The following SLC12A9 variants were observed in gnomAD, a reference collection of about 807,000 sequenced individuals.
The protein encoded by SLC12A9 is solute carrier family 12 member 9.
In SLC12A9, 55 loss-of-function variants were observed where a neutral mutation model predicts 66.0. The ratio of observed to expected loss-of-function variants is 0.83; its 90% CI spans 0.67 to 1.04. SLC12A9 has a LOEUF of 1.04. SLC12A9 is among the 50% of genes least tolerant of loss of function. The probability of loss-of-function intolerance (pLI) is 0.00; values close to 1 mark genes in which losing one functional copy is unlikely to be tolerated. For synonymous variants in SLC12A9, 577 were observed against 569.0 expected (o/e 1.01, Z -0.20); for missense variants, 1,061 against 1,241.9 (o/e 0.85, Z 2.19).
chr7:100,833,958 A>AAAAG (rs1225124922), intron 1 of SLC12A9, among the ~76,000 whole-genome samples: 11 of 150,542 alleles, frequency 7.3e-5, no homozygotes, highest in Non-Finnish European at 1.3e-4. Flanking sequence ...AAAAAAAAAA[A>AAAAG]AAAGAAAGAA....
chr7:100,841,786 T>G (rs1813797170), intron 1 of SLC12A9, among the ~76,000 whole-genome samples: 1 of 152,094 alleles, frequency 6.6e-6, no homozygotes, highest in African/African-American at 2.4e-5. Flanking sequence ...TAAAAAAAAT[T>G]TGGCTTTCTT....
chr7:100,827,761 G>C (rs918970063), intron 1 of SLC12A9, among the ~76,000 whole-genome samples: 6 of 152,194 alleles, frequency 3.9e-5, no homozygotes, highest in Non-Finnish European at 7.4e-5. Flanking sequence ...GATGTGCGCC[G>C]TGGCGGTGCG....
Position 100,861,810 on chromosome 7 carries a change from T to C in SLC12A9, c.1610T>C (p.Leu537Pro). The change falls in exon 12 of 14, where the codon CTG becomes CCG. Residue 537 changes from leucine (L) to proline (P), a missense_variant. By Grantham distance (98) the Leu-to-Pro change is moderately conservative (BLOSUM62 -3). Coordinates refer to ENST00000354161, the MANE Select transcript of SLC12A9 (RefSeq NM_020246.4). The surrounding 1 kb of genome is among the most constrained non-coding windows in gnomAD (Gnocchi z 5.3). ...VKFWRPQLLL[L>P]VGNPRGALPL... ...TTCTGGCGGCCCCAGCTGCTGCTCC[T>C]GGTGGGGAACCCCCGGGGCGCCCTG... 6.2e-7 allele frequency: 1 copy of C among 1,614,122 alleles called. No homozygotes were observed.
At chr7:100,834,691 G>C (rs1813610416) in intron 1 of SLC12A9, among the ~76,000 whole-genome samples, 1 of 152,076 alleles carries the variant, frequency 6.6e-6, no homozygotes, top group African/African-American at 2.4e-5. Flanking sequence ...AGACCAGCCT[G>C]GGCAACATGA....
Position 100,857,011 on chromosome 7 carries a change from C to T in SLC12A9, c.592C>T (p.Leu198=). The T allele has an allele frequency of 1.2e-6, 2 of 1,614,186 alleles. No individual in the cohort carries two copies. The highest frequency in any genetic ancestry group is 1.6e-4 in the Middle Eastern group (1 of 6,062). The change falls in exon 5 of 14, where the codon CTG becomes TTG. Residue 198 remains leucine, a synonymous_variant. Coordinates refer to ENST00000354161, the MANE Select transcript of SLC12A9 (RefSeq NM_020246.4). Reference sequence around the variant, plus strand: ...TGCCCGGGCCTCATTCCTCACATTCCTGCTGGTCTCTGGCTCCCTGGCCTC... The same window carrying T: ...TGCCCGGGCCTCATTCCTCACATTCTTGCTGGTCTCTGGCTCCCTGGCCTC... ...LYARASFLTF[L]LVSGSLASVL... is the part of the protein sequence containing the mutation.
intron 1 of SLC12A9, among the ~76,000 whole-genome samples, chr7:100,838,273 G>A (rs1813709605): frequency 1.3e-5 from 2 of 152,174 alleles, no homozygotes; most frequent in Admixed American, 1.3e-4. Context: ...AGCATTGGGA[G>A]TATAGCACCC....
At chr7:100,842,255 A>G (rs1043482459) in intron 1 of SLC12A9, among the ~76,000 whole-genome samples, 1 of 152,070 alleles carries the variant, frequency 6.6e-6, no homozygotes. Flanking sequence ...CTATTCTATT[A>G]CTCTTTCTTC....
chr7:100,866,217 G>A lies in SLC12A9; in HGVS notation c.2357G>A (p.Arg786Gln), dbSNP rs202174092. The A allele has an allele frequency of 5.0e-4, 800 of 1,609,678 alleles. No homozygotes were observed. The highest frequency in any genetic ancestry group is 6.1e-4 in the Non-Finnish European group (723 of 1,178,656). Residue 786 changes from arginine to glutamine, a missense_variant, in exon 14 of 14, where the codon CGG (arginine) becomes CAG (glutamine). By Grantham distance (43) the Arg-to-Gln change is conservative. Transcript: ENST00000354161. This position sits in a 1 kb window ranked among gnomAD's most constrained non-coding sequence, Gnocchi z 7.3. Reference sequence around the variant, plus strand: ...CCTGGGGCGGCCGAGGGGCGGCTGCGGGCACTGCTGAGCCAACTGAGGATC... The same window carrying A: ...CCTGGGGCGGCCGAGGGGCGGCTGCAGGCACTGCTGAGCCAACTGAGGATC... ...EAPGAAEGRL[R>Q]ALLSQLRIRA...
At chr7:100,859,443 C>A in intron 7 of SLC12A9, 1 of 433,982 alleles carries the variant, frequency 2.3e-6, no homozygotes, top group South Asian at 2.4e-5. Flanking sequence ...CAGCCGGGTG[C>A]GGTGGCTCAC....
In SLC12A9 at chr7:100,865,931, C is replaced by T. The variant is rs761345744; in HGVS notation, c.2071C>T (p.Leu691Phe). ...QDYVATVADA[L>F]KMNKNVVLAR... ...CTATGTGGCCACGGTGGCCGACGCC[C>T]TCAAGATGAACAAGAATGTGGTGCT... is the stretch of plus-strand genomic sequence containing the variant. Residue 691 changes from leucine (L) to phenylalanine (F), a missense_variant, in exon 14 of 14, where the codon CTC becomes TTC. By Grantham distance (22) the Leu-to-Phe change is conservative. Coordinates refer to ENST00000354161, the MANE Select transcript of SLC12A9 (RefSeq NM_020246.4). 2 of 1,613,434 alleles carry T rather than the reference C, an allele frequency of 1.2e-6. No homozygotes were observed. Among genetic ancestry groups the T allele is most frequent in the Non-Finnish European group, 1.7e-6 (2 of 1,179,994 alleles).
At chr7:100,860,516 G>A (rs1182532572) in intron 9 of SLC12A9, 1 of 450,614 alleles carries the variant, frequency 2.2e-6, no homozygotes, top group Non-Finnish European at 4.0e-6. Context: ...GGGTATACTA[G>A]TATTTTTCAG....
intron 4 of SLC12A9, 131 bp downstream of exon 4, chr7:100,855,968 T>C: frequency 7.1e-7 from 1 of 1,410,128 alleles, no homozygotes; most frequent in South Asian, 1.4e-5. Context: ...GAGCTTCTGC[T>C]GTGTGGCCAG....
At chr7:100,846,410 C>CA (rs1813916387) in intron 1 of SLC12A9, among the ~76,000 whole-genome samples, 1 of 152,018 alleles carries the variant, frequency 6.6e-6, no homozygotes, top group Middle Eastern at 3.4e-3. Context: ...ACTAAAAATA[C>CA]AAAAAAATGA....
chr7:100,839,197 C>T (rs1037936280), intron 1 of SLC12A9, among the ~76,000 whole-genome samples: 2 of 151,888 alleles, frequency 1.3e-5, no homozygotes, highest in African/African-American at 2.4e-5. Flanking sequence ...TGGTGGCGGG[C>T]GCCTGTAGTC....
chr7:100,831,299 G>A (rs940538219), intron 1 of SLC12A9, among the ~76,000 whole-genome samples: 13 of 150,868 alleles, frequency 8.6e-5, no homozygotes, highest in Admixed American at 2.0e-4. Context: ...TGATTCTCCC[G>A]CCTCAGCCTC....
chr7:100,861,322 G>A lies in SLC12A9; in HGVS notation c.1343+60G>A, dbSNP rs747532518. On this transcript the variant is annotated intron_variant, in intron 10 of 13. Coordinates refer to ENST00000354161, the MANE Select transcript of SLC12A9 (RefSeq NM_020246.4). The surrounding 1 kb of genome is among the most constrained non-coding windows in gnomAD (Gnocchi z 5.3). ...AAGGGAGGACTCGGGCTCAGGCGTG[G>A]GGCTGGGGACTGCAGCCTCGTGTGC... is the stretch of plus-strand genomic sequence containing the variant. The A allele has an allele frequency of 2.0e-5, 32 of 1,612,576 alleles. No homozygotes were observed. Among genetic ancestry groups the A allele is most frequent in the Admixed American group, 1.5e-4 (9 of 59,988 alleles).
chr7:100,851,492 C>T (rs981363367), upstream of SLC12A9, among the ~76,000 whole-genome samples: 1 of 145,080 alleles, frequency 6.9e-6, no homozygotes, highest in African/African-American at 2.5e-5. Context: ...GGTGCGATCT[C>T]AGCTCACTGC....
At chr7:100,845,577 C>T (rs929022355) in intron 1 of SLC12A9, among the ~76,000 whole-genome samples, 6 of 152,140 alleles carry the variant, frequency 3.9e-5, no homozygotes, top group African/African-American at 1.2e-4. Context: ...TCTCGATCTC[C>T]TGCCCTTGTG....
chr7:100,850,854 G>A (rs140796062), upstream of SLC12A9, among the ~76,000 whole-genome samples: 382 of 151,666 alleles, frequency 2.5e-3, 2 homozygotes, highest in South Asian at 6.3e-3. Flanking sequence ...CAAGTAGCTG[G>A]GATTACAGGT....
Sources: allele counts gnomAD v4.1 joint callset (sites outside exome capture counted in the v4.1 genomes callset), GRCh38; gene constraint gnomAD v4.1.1; non-coding constraint Gnocchi (gnomAD v3.1); transcripts MANE v1.5; gene names NCBI Gene and HGNC (gene_info 2026-07-23, HGNC 2026-07-21).